ZBTB7C: variants seen among roughly 807,000 people sequenced by gnomAD.
ZBTB7C encodes the protein zinc finger and BTB domain-containing protein 7C.
A neutral mutation model predicts 25.7 loss-of-function variants in ZBTB7C; 8 were observed. The observed-to-expected ratio is 0.31, with a 90% CI of 0.18 to 0.56. ZBTB7C has a LOEUF of 0.56. Among genes scored for constraint, ZBTB7C ranks in the 20% least tolerant of loss-of-function variants. The pLI is 0.91. For missense variants in ZBTB7C, 824 were observed against 855.2 expected (o/e 0.96, Z 0.46); for synonymous variants, 394 against 369.0 (o/e 1.07, Z -0.78).
intron 2 of ZBTB7C, among the ~76,000 whole-genome samples, chr18:48,189,762 G>C (rs889217194): frequency 6.6e-6 from 1 of 152,080 alleles, no homozygotes; most frequent in Non-Finnish European, 1.5e-5. Flanking sequence ...GACCTGGCTC[G>C]CCTTGCTCTC....
chr18:48,396,372 G>A (rs17825661), intron 1 of ZBTB7C, among the ~76,000 whole-genome samples: 2,389 of 152,286 alleles, frequency 0.016, 33 homozygotes, highest in Non-Finnish European at 0.023. Context: ...CCTTCAGGAA[G>A]CTTTCAATAA....
intron 3 of ZBTB7C, among the ~76,000 whole-genome samples, chr18:48,043,025 T>TATC (rs1159417005): frequency 1.3e-5 from 2 of 152,016 alleles, no homozygotes; most frequent in Non-Finnish European, 2.9e-5. Context: ...AAATTAAAAC[T>TATC]ATCATAAGAC....
intron 2 of ZBTB7C, among the ~76,000 whole-genome samples, chr18:48,318,995 G>T (rs571025330): frequency 6.6e-6 from 1 of 152,188 alleles, no homozygotes; most frequent in Non-Finnish European, 1.5e-5. Flanking sequence ...TAGAGAGATG[G>T]ACAGAGGGCT....
At chr18:48,056,315 A>G (rs2036913457) in intron 3 of ZBTB7C, among the ~76,000 whole-genome samples, 1 of 152,254 alleles carries the variant, frequency 6.6e-6, no homozygotes. Context: ...AAATAATTTA[A>G]TAAGTGCAAT....
At chr18:48,222,229 C>T (rs190757978) in intron 2 of ZBTB7C, among the ~76,000 whole-genome samples, 6 of 152,308 alleles carry the variant, frequency 3.9e-5, no homozygotes, top group Non-Finnish European at 7.4e-5. Context: ...AGCCTCCACC[C>T]TCTTGCCTCT....
At position 48,365,472 on chromosome 18, in the gene ZBTB7C, C is replaced by T. The variant is rs189690964; in HGVS notation, c.-303-27074G>A. On this transcript the variant is annotated intron_variant, in intron 1 of 4. Coordinates refer to ENST00000590800, the MANE Select transcript of ZBTB7C (RefSeq NM_001318841.2). ...ACTCTGTCTGGCTAGTAGAGTGGCA[C>T]TACAGACTCTCTATCTCCCTTTCTG... Among the ~76,000 whole-genome samples, 495 of 152,302 alleles carry T rather than the reference C, an allele frequency of 3.3e-3. 2 individuals are homozygous for T. Among genetic ancestry groups the T allele is most frequent in the African/African-American group, 0.011 (468 of 41,560 alleles).
intron 2 of ZBTB7C, among the ~76,000 whole-genome samples, chr18:48,285,019 G>A (rs1362806223): frequency 1.3e-5 from 2 of 152,204 alleles, no homozygotes; most frequent in African/African-American, 2.4e-5. Context: ...GCTGCATGAT[G>A]TTGATTATTT....
intron 3 of ZBTB7C, among the ~76,000 whole-genome samples, chr18:48,103,050 T>C: frequency 6.8e-6 from 1 of 146,810 alleles, no homozygotes; most frequent in East Asian, 2.0e-4. Context: ...TTATATTATA[T>C]ATATATCTTG....
At chr18:48,103,089 T>TTA (rs869186380) in intron 3 of ZBTB7C, among the ~76,000 whole-genome samples, 56 of 122,242 alleles carry the variant, frequency 4.6e-4, no homozygotes, top group African/African-American at 1.7e-3. Flanking sequence ...TATATATATC[T>TTA]TATATATATT....
intron 2 of ZBTB7C, among the ~76,000 whole-genome samples, chr18:48,244,857 T>C (rs1022466356): frequency 2.6e-5 from 4 of 151,968 alleles, no homozygotes; most frequent in African/African-American, 7.3e-5. Flanking sequence ...AAACTATTAA[T>C]ACTACAACCA....
chr18:48,048,462 C>T (rs2036558006), intron 3 of ZBTB7C, among the ~76,000 whole-genome samples: 1 of 152,216 alleles, frequency 6.6e-6, no homozygotes, highest in Non-Finnish European at 1.5e-5. Context: ...GAGGTCCCCG[C>T]TCTCAGATAG....
At chr18:48,187,494 A>T (rs765721431) in intron 2 of ZBTB7C, among the ~76,000 whole-genome samples, 5 of 152,134 alleles carry the variant, frequency 3.3e-5, no homozygotes, top group Admixed American at 6.5e-5. Context: ...TATATGAGGT[A>T]CCTAGAGAAG....
intron 2 of ZBTB7C, among the ~76,000 whole-genome samples, chr18:48,314,588 G>C (rs1256409158): frequency 6.6e-6 from 1 of 152,198 alleles, no homozygotes; most frequent in Non-Finnish European, 1.5e-5. Context: ...GCTAGGACTA[G>C]TGCACAGGAT....
At position 48,401,104 on chromosome 18, in the gene ZBTB7C, G is replaced by A. The variant is rs540642041; in HGVS notation, c.-304+8122C>T. Among the ~76,000 whole-genome samples the A allele has an allele frequency of 2.6e-5, 4 of 152,300 alleles. No homozygotes were observed. The South Asian group carries it at 8.3e-4, about 32-fold the overall frequency. On this transcript the variant is annotated intron_variant, in intron 1 of 4. Coordinates refer to ENST00000590800, the MANE Select transcript of ZBTB7C (RefSeq NM_001318841.2). ...GAGGGATCCTAGCACCCCTCAAGTGGTGCTAATTCTACCTGCATGTGAGCT... is the reference window on the plus strand; with the variant it reads ...GAGGGATCCTAGCACCCCTCAAGTGATGCTAATTCTACCTGCATGTGAGCT...
intron 3 of ZBTB7C, among the ~76,000 whole-genome samples, chr18:48,138,402 T>C (rs1167668669): frequency 6.6e-6 from 1 of 152,082 alleles, no homozygotes; most frequent in African/African-American, 2.4e-5. Context: ...CAGGGAAACT[T>C]GTGTCAGGAA....
intron 2 of ZBTB7C, among the ~76,000 whole-genome samples, chr18:48,225,455 A>G (rs2043064516): frequency 6.6e-6 from 1 of 152,172 alleles, no homozygotes; most frequent in Admixed American, 6.5e-5. Flanking sequence ...CGTTACAGAC[A>G]ATAAGGAAAG....
intron 1 of ZBTB7C, among the ~76,000 whole-genome samples, chr18:48,393,699 A>G (rs1475803249): frequency 6.6e-6 from 1 of 152,088 alleles, no homozygotes; most frequent in Non-Finnish European, 1.5e-5. Flanking sequence ...ATCGCCCCTA[A>G]TTAAAAATAA....
chr18:48,223,154 C>G (rs1008903994), intron 2 of ZBTB7C, among the ~76,000 whole-genome samples: 1 of 152,290 alleles, frequency 6.6e-6, no homozygotes, highest in East Asian at 1.9e-4. Flanking sequence ...TGGGTTTACA[C>G]TGGGCTCTGC....
At chr18:48,319,281 C>T (rs2046032555) in intron 2 of ZBTB7C, among the ~76,000 whole-genome samples, 1 of 152,138 alleles carries the variant, frequency 6.6e-6, no homozygotes, top group South Asian at 2.1e-4. Flanking sequence ...GAGCCACACA[C>T]ACTGTGTGGG....
Sources: gnomAD v4.1 joint callset for allele counts (sites outside exome capture counted in the v4.1 genomes callset) on GRCh38, gnomAD v4.1.1 for gene constraint, MANE v1.5 for transcripts, NCBI Gene and HGNC (gene_info 2026-07-23, HGNC 2026-07-21) for gene names.